Variants in SGMS1 observed in about 807,000 individuals in gnomAD.
SGMS1 encodes sphingomyelin synthase 1, also known as phosphatidylcholine:ceramide cholinephosphotransferase 1.
A neutral mutation model predicts 46.2 loss-of-function variants in SGMS1; 13 were observed. The ratio of observed to expected loss-of-function variants is 0.28; its 90% CI spans 0.18 to 0.45. The LOEUF (loss-of-function observed/expected upper bound fraction) is 0.45, where lower values mean the gene tolerates loss of function less well. Ranked by LOEUF, SGMS1 falls within the 20% of genes least tolerant of loss-of-function variation. SGMS1 has a pLI of 1.00. For missense variants in SGMS1, 324 were observed against 519.9 expected (o/e 0.62, Z 3.66); for synonymous variants, 203 against 187.8 (o/e 1.08, Z -0.66).
At chr10:50,553,149 G>A (rs187787840) in intron 2 of SGMS1, among the ~76,000 whole-genome samples, 107 of 152,290 alleles carry the variant, frequency 7.0e-4, no homozygotes, top group African/African-American at 2.4e-3. Context: ...ATGAAGTCAC[G>A]TTAATGTTGT....
intron 7 of SGMS1, chr10:50,342,491 G>T (rs1847835709): frequency 6.6e-6 from 1 of 152,002 alleles, no homozygotes; most frequent in South Asian, 2.1e-4. Flanking sequence ...TAATTTATCA[G>T]GTTAAAAAAA....
intron 6 of SGMS1, among the ~76,000 whole-genome samples, chr10:50,370,587 A>C (rs1471849591): frequency 1.3e-5 from 2 of 151,904 alleles, no homozygotes; most frequent in Non-Finnish European, 2.9e-5. Context: ...CTAAAAATAC[A>C]AAAATTAGCT....
intron 2 of SGMS1, among the ~76,000 whole-genome samples, chr10:50,566,512 T>A (rs1030144316): frequency 6.6e-6 from 1 of 152,230 alleles, no homozygotes; most frequent in Non-Finnish European, 1.5e-5. Context: ...TTAAACCCCC[T>A]CACATTCAGT....
chr10:50,487,362 T>C (rs968364878), intron 3 of SGMS1, among the ~76,000 whole-genome samples: 1 of 152,038 alleles, frequency 6.6e-6, no homozygotes, highest in Non-Finnish European at 1.5e-5. Context: ...AGAGAGCAGA[T>C]GGAAAATAGC....
In SGMS1 at chr10:50,306,858, A is replaced by G. The variant is rs1265568507; in HGVS notation, c.*284T>C. 7.2e-6 allele frequency: 2 copies of G among 277,810 alleles called. No homozygotes were observed. Among genetic ancestry groups the G allele is most frequent in the Non-Finnish European group, 1.3e-5 (2 of 149,108 alleles). 17.2% of individuals were successfully genotyped at this position (277,810 alleles called of 1,614,324 possible). ...TAAAAGCTTACATTTATGCTGCTGC[A>G]TCATATACAAAGGAACATGGTGGTT... On this transcript the variant is annotated 3_prime_UTR_variant, in exon 11 of 11. Coordinates refer to ENST00000361781, the MANE Select transcript of SGMS1 (RefSeq NM_147156.4).
intron 3 of SGMS1, among the ~76,000 whole-genome samples, chr10:50,496,286 C>T (rs898489718): frequency 8.5e-5 from 13 of 152,190 alleles, no homozygotes; most frequent in African/African-American, 3.1e-4. Flanking sequence ...GGCAGTAGTA[C>T]CTAGCACGCT....
At chr10:50,322,203 G>A (rs1275187998) in intron 8 of SGMS1, among the ~76,000 whole-genome samples, 1 of 152,162 alleles carries the variant, frequency 6.6e-6, no homozygotes, top group Non-Finnish European at 1.5e-5. Flanking sequence ...CTAGCCAGCT[G>A]AGTGTCCCTG....
chr10:50,535,223 T>C (rs552884772), intron 2 of SGMS1, among the ~76,000 whole-genome samples: 53 of 80,598 alleles, frequency 6.6e-4, no homozygotes, highest in African/African-American at 2.6e-3. Flanking sequence ...AAAGTGAGAG[T>C]CCATCTCAAA....
upstream of SGMS1, chr10:50,624,648 C>G (rs1036726613): frequency 1.0e-6 from 1 of 985,354 alleles, no homozygotes; most frequent in African/African-American, 1.7e-5. Flanking sequence ...ACCCGGAGAG[C>G]GGCTAGGCCG....
chr10:50,584,711 C>T (rs751246482), intron 2 of SGMS1, among the ~76,000 whole-genome samples: 7 of 152,278 alleles, frequency 4.6e-5, no homozygotes, highest in Admixed American at 1.3e-4. Flanking sequence ...CAAATAGCAT[C>T]CCATTTGATG....
intron 5 of SGMS1, among the ~76,000 whole-genome samples, chr10:50,449,016 C>T (rs1327879942): frequency 1.3e-5 from 2 of 152,138 alleles, no homozygotes; most frequent in Non-Finnish European, 2.9e-5. Flanking sequence ...CATACCACTA[C>T]ATACCTATTG....
intron 6 of SGMS1, among the ~76,000 whole-genome samples, chr10:50,360,852 A>G (rs1436206): frequency 0.53 from 80,393 of 151,984 alleles, 21,479 homozygotes; most frequent in Middle Eastern, 0.63. Flanking sequence ...TCATTTAGCT[A>G]GAATAAAAAT....
intron 6 of SGMS1, among the ~76,000 whole-genome samples, chr10:50,369,649 G>A (rs989749716): frequency 6.6e-6 from 1 of 151,312 alleles, no homozygotes; most frequent in Non-Finnish European, 1.5e-5. Context: ...TAAAACAACA[G>A]CAAGATGCCA....
At chr10:50,569,153 G>A (rs1454275182) in intron 2 of SGMS1, among the ~76,000 whole-genome samples, 2 of 151,998 alleles carry the variant, frequency 1.3e-5, no homozygotes, top group Non-Finnish European at 1.5e-5. Flanking sequence ...GGCCTGTCGG[G>A]GGGTGGGAGC....
intron 8 of SGMS1, among the ~76,000 whole-genome samples, chr10:50,313,248 G>A (rs1376669420): frequency 6.6e-6 from 1 of 152,162 alleles, no homozygotes; most frequent in Non-Finnish European, 1.5e-5. Flanking sequence ...TCATGAAGGA[G>A]GAGTCACAGA....
Position 50,560,553 on chromosome 10 carries a change from T to C in SGMS1, c.-589+29600A>G, listed in dbSNP as rs536112167. ...TATAATACATAATATTTATGTGTAA[T>C]ATATTATATGACATATATACATAAT... On this transcript the variant is annotated intron_variant, in intron 2 of 10. Transcript: ENST00000361781. Among the ~76,000 whole-genome samples, 228 of 143,870 alleles carry C rather than the reference T, an allele frequency of 1.6e-3. 1 individual carries two copies. The highest frequency in any genetic ancestry group is 6.6e-3 in the South Asian group (31 of 4,726). The allele number at this position is 143,870 out of a possible 152,430, so 94.4% of individuals were successfully genotyped here.
intron 2 of SGMS1, among the ~76,000 whole-genome samples, chr10:50,542,035 G>A (rs1246044977): frequency 3.3e-5 from 5 of 152,110 alleles, no homozygotes; most frequent in African/African-American, 1.2e-4. Context: ...CACCGTGGCA[G>A]GAACCATTAT....
At chr10:50,523,886 T>A (rs1837876645) in intron 2 of SGMS1, among the ~76,000 whole-genome samples, 1 of 152,240 alleles carries the variant, frequency 6.6e-6, no homozygotes, top group East Asian at 1.9e-4. Context: ...AGATTTGTGC[T>A]CAAGGCACAC....
intron 6 of SGMS1, among the ~76,000 whole-genome samples, chr10:50,431,386 G>A (rs988091541): frequency 1.3e-5 from 2 of 152,144 alleles, no homozygotes; most frequent in African/African-American, 4.8e-5. Context: ...AATATCCAAG[G>A]CATTTTTGTA....
Sources: gnomAD v4.1 joint callset for allele counts (sites outside exome capture counted in the v4.1 genomes callset) on GRCh38, gnomAD v4.1.1 for gene constraint, MANE v1.5 for transcripts, NCBI Gene and HGNC (gene_info 2026-07-23, HGNC 2026-07-21) for gene names.